SEMA3A: variants seen among roughly 807,000 people sequenced by gnomAD.
SEMA3A encodes semaphorin 3A, also known as semaphorin-3A.
Under a neutral mutation model 97.9 loss-of-function variants are expected in SEMA3A, and 29 were observed. That is an observed-to-expected ratio of 0.30 (90% CI 0.22 to 0.40). The LOEUF (loss-of-function observed/expected upper bound fraction) is 0.40. Ranked by LOEUF, SEMA3A falls within the 10% of genes least tolerant of loss-of-function variation. SEMA3A has a pLI of 1.00. For missense variants in SEMA3A, 763 were observed against 951.3 expected (o/e 0.80, Z 2.60); for synonymous variants, 321 against 323.7 (o/e 0.99, Z 0.09).
chr7:84,420,547 G>A (rs1483876305), intron 1 of SEMA3A, among the ~76,000 whole-genome samples: 6 of 151,788 alleles, frequency 4.0e-5, no homozygotes. Flanking sequence ...AGTGACCTGT[G>A]GGATGAAAAA....
At chr7:84,168,452 T>G (rs796820445) in intron 1 of SEMA3A, among the ~76,000 whole-genome samples, 1 of 152,030 alleles carries the variant, frequency 6.6e-6, no homozygotes, top group Non-Finnish European at 1.5e-5. Flanking sequence ...TATATATAGG[T>G]CTTTTTACAT....
chr7:84,488,903 T>G (rs1806650837), intron 1 of SEMA3A, among the ~76,000 whole-genome samples: 2 of 152,142 alleles, frequency 1.3e-5, no homozygotes, highest in Non-Finnish European at 2.9e-5. Context: ...TAAAGCTAAC[T>G]TTCCACTAAT....
intron 1 of SEMA3A, among the ~76,000 whole-genome samples, chr7:84,154,900 T>C (rs1273674618): frequency 6.6e-6 from 1 of 152,016 alleles, no homozygotes; most frequent in Non-Finnish European, 1.5e-5. Flanking sequence ...TTTTAGAAAA[T>C]ATATTTATAT....
intron 15 of SEMA3A, among the ~76,000 whole-genome samples, chr7:83,972,924 T>G (rs562328749): frequency 1.3e-5 from 2 of 152,236 alleles, no homozygotes; most frequent in South Asian, 4.1e-4. Context: ...GTGAAAATAT[T>G]CAAAAAGGGT....
intron 14 of SEMA3A, among the ~76,000 whole-genome samples, chr7:83,980,639 T>TATATATATATATAC (rs376148779): frequency 1.1e-5 from 1 of 88,448 alleles, no homozygotes; most frequent in African/African-American, 4.6e-5. Flanking sequence ...TATATATATA[T>TATATATATATATAC]ACACACACAC....
chr7:84,035,698 T>C (rs1791919155), intron 6 of SEMA3A, among the ~76,000 whole-genome samples: 1 of 152,058 alleles, frequency 6.6e-6, no homozygotes. Flanking sequence ...TTTACTGTGA[T>C]GATAGTCCAG....
chr7:84,270,135 C>T (rs1800106080), intron 3 of SEMA3A, among the ~76,000 whole-genome samples: 2 of 152,018 alleles, frequency 1.3e-5, no homozygotes, highest in South Asian at 2.1e-4. Flanking sequence ...AAATGATTTA[C>T]CTGCTAATCT....
In SEMA3A at chr7:84,361,515, G is replaced by A. The variant is rs532430717; in HGVS notation, c.-169+10309C>T. Among the ~76,000 whole-genome samples the A allele has an allele frequency of 2.6e-5, 4 of 152,048 alleles. No individual in the cohort carries two copies. The South Asian group carries it at 8.3e-4, about 31-fold the overall frequency. ...GCAAATAAATATATCTATCCTTATC[G>A]AACATGGGAGTTAGATTTTCTAAAT... On this transcript the variant is annotated intron_variant, in intron 2 of 3. Transcript: ENST00000424555.
chr7:83,968,182 A>C (rs576156894), intron 15 of SEMA3A, among the ~76,000 whole-genome samples: 29 of 152,342 alleles, frequency 1.9e-4, no homozygotes, highest in Admixed American at 1.3e-3. Flanking sequence ...AAAGATATGA[A>C]ATCTTATATA....
intron 3 of SEMA3A, among the ~76,000 whole-genome samples, chr7:84,228,091 T>C (rs191426435): frequency 6.6e-6 from 1 of 152,160 alleles, no homozygotes; most frequent in East Asian, 1.9e-4. Context: ...GTTGGCTGGG[T>C]GCAGAGATGT....
At chr7:84,115,798 C>A (rs1416645492) in intron 3 of SEMA3A, among the ~76,000 whole-genome samples, 1 of 152,116 alleles carries the variant, frequency 6.6e-6, no homozygotes, top group African/African-American at 2.4e-5. Context: ...ACAATCCTCA[C>A]CCTGATTTCA....
chr7:84,134,052 C>T (rs1796048700), intron 2 of SEMA3A, among the ~76,000 whole-genome samples: 1 of 152,028 alleles, frequency 6.6e-6, no homozygotes, highest in Admixed American at 6.6e-5. Flanking sequence ...CAGAGCGAGA[C>T]TCCATCTCAA....
At chr7:83,963,495 G>GT in intron 15 of SEMA3A, 148 bp from the exon 16 acceptor site, 1 of 854,054 alleles carries the variant, frequency 1.2e-6, no homozygotes, top group Non-Finnish European at 1.8e-6. Context: ...TGTCAGTGAT[G>GT]TAAGGTTTCA....
At chr7:84,287,285 C>G (rs1800614126) in intron 3 of SEMA3A, among the ~76,000 whole-genome samples, 1 of 152,022 alleles carries the variant, frequency 6.6e-6, no homozygotes, top group African/African-American at 2.4e-5. Context: ...ATAATTATCT[C>G]AATCAAGGTA....
intron 3 of SEMA3A, among the ~76,000 whole-genome samples, chr7:84,227,674 T>C (rs768688645): frequency 2.6e-5 from 4 of 151,964 alleles, no homozygotes; most frequent in Non-Finnish European, 5.9e-5. Flanking sequence ...TGGGGTGTGG[T>C]GAGATTGGAG....
chr7:84,257,310 G>A (rs1464998852), intron 3 of SEMA3A, among the ~76,000 whole-genome samples: 1 of 151,488 alleles, frequency 6.6e-6, no homozygotes, highest in Non-Finnish European at 1.5e-5. Flanking sequence ...CTTTGAACTT[G>A]TAAAAAGTAA....
intron 1 of SEMA3A, among the ~76,000 whole-genome samples, chr7:84,148,615 A>T (rs1477736757): frequency 1.3e-5 from 2 of 152,286 alleles, no homozygotes; most frequent in Non-Finnish European, 2.9e-5. Flanking sequence ...ATAACAATTC[A>T]TTGATATATT....
intron 6 of SEMA3A, among the ~76,000 whole-genome samples, chr7:84,017,620 A>T (rs2116430343): frequency 6.6e-6 from 1 of 152,312 alleles, no homozygotes; most frequent in African/African-American, 2.4e-5. Context: ...CCAACAATTT[A>T]AAAGGAGCCA....
intron 1 of SEMA3A, among the ~76,000 whole-genome samples, chr7:84,444,206 A>G (rs1805348185): frequency 1.3e-5 from 2 of 152,040 alleles, no homozygotes; most frequent in South Asian, 4.1e-4. Context: ...TTTCTTCAGA[A>G]TCATACTGGT....
Sources: allele counts gnomAD v4.1 joint callset (sites outside exome capture counted in the v4.1 genomes callset), GRCh38; gene constraint gnomAD v4.1.1; transcripts MANE v1.5; gene names NCBI Gene and HGNC (gene_info 2026-07-23, HGNC 2026-07-21).